The following GFRAL variants were observed in gnomAD, a reference collection of about 807,000 sequenced individuals.
GFRAL encodes GDNF family receptor alpha like, also known as GDNF family receptor alpha-like.
In GFRAL, 36 loss-of-function variants were observed where a neutral mutation model predicts 45.4. The ratio of observed to expected loss-of-function variants is 0.79; its 90% CI spans 0.61 to 1.05. The LOEUF (loss-of-function observed/expected upper bound fraction) is 1.05. Ranked by LOEUF, GFRAL falls within the 50% of genes least tolerant of loss-of-function variation. The pLI, the probability that GFRAL is intolerant of heterozygous loss-of-function variation, is 0.00. For missense variants in GFRAL, 507 were observed against 467.5 expected (o/e 1.08, Z -0.78); for synonymous variants, 166 against 154.1 (o/e 1.08, Z -0.57).
At position 55,395,175 on chromosome 6, in the gene GFRAL, A is replaced by AATATATATATATAT. The variant is rs1234650477; in HGVS notation, c.953-3999_953-3986dup. On this transcript the variant is annotated intron_variant, in intron 6 of 8. Transcript: ENST00000340465. ...AATCAGCCTATGGAAAAAAAAAAAA[A>AATATATATATATAT]ATATATATATATATATATAAGCCAG... Among the ~76,000 whole-genome samples the AATATATATATATAT allele has an allele frequency of 7.3e-4, 90 of 123,450 alleles. 1 individual carries two copies. Among genetic ancestry groups the AATATATATATATAT allele is most frequent in the African/African-American group, 2.7e-3 (78 of 28,916 alleles). The allele number at this position is 123,450 out of a possible 152,430, so 81.0% of individuals were successfully genotyped here.
At chr6:55,387,186 T>C (rs1048839768) in intron 6 of GFRAL, among the ~76,000 whole-genome samples, 1 of 152,146 alleles carries the variant, frequency 6.6e-6, no homozygotes, top group Non-Finnish European at 1.5e-5. Context: ...GCATTTAAGA[T>C]CATGGAGGGA....
rs1051715915 is a variant in GFRAL, at chr6:55,364,578, C to T, written c.952+5440C>T. ...AGGGTTTTTATGGTTTTAGGTCTAA[C>T]GTTTAAGTCTTTAATCCATCTTGAA... On this transcript the variant is annotated intron_variant, in intron 6 of 8. Transcript: ENST00000340465. 2.3e-3 allele frequency among the ~76,000 whole-genome samples: 344 copies of T among 146,586 alleles called. 8 individuals carry two copies. Among genetic ancestry groups the T allele is most frequent in the South Asian group, 4.1e-3 (19 of 4,650 alleles).
intron 6 of GFRAL, among the ~76,000 whole-genome samples, chr6:55,359,533 A>G (rs1404929091): frequency 1.3e-5 from 2 of 151,942 alleles, no homozygotes; most frequent in African/African-American, 2.4e-5. Flanking sequence ...AATTCTGCAC[A>G]TTGGACTTGG....
At chr6:55,401,285 T>G (rs1276445576) in intron 8 of GFRAL, among the ~76,000 whole-genome samples, 2 of 152,186 alleles carry the variant, frequency 1.3e-5, no homozygotes, top group East Asian at 3.9e-4. Context: ...GAGACAAAAT[T>G]TAAAGCCATC....
At chr6:55,341,008 G>A (rs568222978) in intron 3 of GFRAL, among the ~76,000 whole-genome samples, 1 of 152,312 alleles carries the variant, frequency 6.6e-6, no homozygotes, top group South Asian at 2.1e-4. Flanking sequence ...GCTTGAGAAG[G>A]TAGACAAAGC....
intron 6 of GFRAL, among the ~76,000 whole-genome samples, chr6:55,373,189 G>A (rs1299246175): frequency 1.3e-5 from 2 of 152,106 alleles, no homozygotes; most frequent in African/African-American, 4.8e-5. Context: ...CTCTGGCAGT[G>A]TGGATTTCAG....
intron 3 of GFRAL, among the ~76,000 whole-genome samples, chr6:55,340,724 G>A (rs1417825788): frequency 1.3e-5 from 2 of 152,142 alleles, no homozygotes; most frequent in Non-Finnish European, 2.9e-5. Flanking sequence ...GCAGGGTGAG[G>A]CATTGCCTCA....
intron 6 of GFRAL, among the ~76,000 whole-genome samples, chr6:55,368,417 C>T (rs1483151259): frequency 1.5e-4 from 23 of 151,968 alleles, no homozygotes; most frequent in Non-Finnish European, 2.5e-4. Context: ...GTAATTTGAT[C>T]GTTTGAAGCC....
intron 6 of GFRAL, among the ~76,000 whole-genome samples, chr6:55,366,483 C>G (rs1006977649): frequency 1.4e-5 from 2 of 144,986 alleles, no homozygotes; most frequent in Admixed American, 1.4e-4. Context: ...CTTCTGCTAG[C>G]TTTTGAATGT....
At chr6:55,353,921 C>A (rs1176073887) in intron 5 of GFRAL, among the ~76,000 whole-genome samples, 1 of 152,080 alleles carries the variant, frequency 6.6e-6, no homozygotes, top group Admixed American at 6.6e-5. Context: ...TACTATTCTG[C>A]CTTTCTAACT....
chr6:55,344,274 A>G (rs1355954198), intron 3 of GFRAL, among the ~76,000 whole-genome samples: 1 of 152,218 alleles, frequency 6.6e-6, no homozygotes, highest in Non-Finnish European at 1.5e-5. Context: ...ATGAACATTG[A>G]TGCAAAAATC....
At chr6:55,382,974 A>G (rs1015785878) in intron 6 of GFRAL, among the ~76,000 whole-genome samples, 2 of 152,010 alleles carry the variant, frequency 1.3e-5, no homozygotes, top group Non-Finnish European at 2.9e-5. Context: ...ATGATGTTAA[A>G]CATGTAATAT....
At chr6:55,399,143 A>G in intron 6 of GFRAL, 37 bp from the exon 7 acceptor site, 1 of 1,078,504 alleles carries the variant, frequency 9.3e-7, no homozygotes, top group Non-Finnish European at 1.4e-6. Context: ...ATAATGTATG[A>G]TATGTAACTA....
At chr6:55,362,473 T>C (rs1379789896) in intron 6 of GFRAL, among the ~76,000 whole-genome samples, 1 of 151,994 alleles carries the variant, frequency 6.6e-6, no homozygotes, top group Non-Finnish European at 1.5e-5. Flanking sequence ...AAACCATGTA[T>C]TCTGTCACCA....
rs1182434520 is a variant in GFRAL, at chr6:55,365,142, A to G, written c.952+6004A>G. ...AGGAGTGGTTTGTAGTTCTCCTTGA[A>G]GAGGTCCTTCACATCCCTTGTAAGT... On this transcript the variant is annotated intron_variant, in intron 6 of 8. Coordinates refer to ENST00000340465, the MANE Select transcript of GFRAL (RefSeq NM_207410.2). Among the ~76,000 whole-genome samples, 15 of 151,352 alleles carry G rather than the reference A, an allele frequency of 9.9e-5. No homozygotes were observed. The South Asian group carries it at 3.1e-3, about 32-fold the overall frequency.
At chr6:55,390,960 T>C (rs1327964704) in intron 6 of GFRAL, among the ~76,000 whole-genome samples, 1 of 150,612 alleles carries the variant, frequency 6.6e-6, no homozygotes, top group Non-Finnish European at 1.5e-5. Context: ...CACAGGGCAT[T>C]GGATGGTGCA....
intron 6 of GFRAL, among the ~76,000 whole-genome samples, chr6:55,388,191 G>A (rs188719351): frequency 6.6e-6 from 1 of 152,290 alleles, no homozygotes; most frequent in Admixed American, 6.5e-5. Flanking sequence ...CCTGAGTCAG[G>A]TGGCCAGACA....
At chr6:55,370,761 T>C (rs114106370) in intron 6 of GFRAL, among the ~76,000 whole-genome samples, 456 of 152,354 alleles carry the variant, frequency 3.0e-3, no homozygotes, top group African/African-American at 0.01. Flanking sequence ...ACATAGGCCC[T>C]GTGCTCAGAA....
chr6:55,337,922 T>G (rs1767912715), intron 3 of GFRAL, among the ~76,000 whole-genome samples: 1 of 152,216 alleles, frequency 6.6e-6, no homozygotes, highest in Admixed American at 6.5e-5. Context: ...CTTGAGCCAC[T>G]GATTTGAGAT....
Sources: gnomAD v4.1 joint callset for allele counts (sites outside exome capture counted in the v4.1 genomes callset) on GRCh38, gnomAD v4.1.1 for gene constraint, MANE v1.5 for transcripts, NCBI Gene and HGNC (gene_info 2026-07-23, HGNC 2026-07-21) for gene names.